The following ZNF676 variants were observed in gnomAD, a reference collection of about 807,000 sequenced individuals.
ZNF676 encodes the protein zinc finger protein 676.
A neutral mutation model predicts 6.0 loss-of-function variants in ZNF676; 4 were observed. That is an observed-to-expected ratio of 0.67 (90% CI 0.33 to 1.53). The LOEUF (loss-of-function observed/expected upper bound fraction) is 1.53, where lower values mean the gene tolerates loss of function less well. ZNF676 is among the 40% of genes most tolerant of loss of function. ZNF676 has a pLI of 0.06. For synonymous variants in ZNF676, 198 were observed against 223.1 expected, an observed-to-expected ratio of 0.89 and a Z score of 1.00; for missense variants, 644 against 679.7, an observed-to-expected ratio of 0.95 and a Z score of 0.58.
rs201369122 is a variant in ZNF676, at chr19:22,180,293, T to C, written c.1424A>G (p.Lys475Arg). 5,752 of 1,613,816 alleles carry C rather than the reference T, an allele frequency of 3.6e-3. 16 individuals carry two copies. Among genetic ancestry groups the C allele is most frequent in the Non-Finnish European group, 4.6e-3 (5,441 of 1,179,798 alleles). Residue 475 changes from lysine (K) to arginine (R), a missense_variant, in exon 3 of 3, where the codon AAA becomes AGA. Around this residue, in one of 5 missense-constraint regions of ZNF676, gnomAD observed 306 missense variants for 265.4 expected, o/e 1.15. Coordinates refer to ENST00000397121, the MANE Select transcript of ZNF676 (RefSeq NM_001001411.3). ...GCCACATTCTTCACATTTGTAAGGT[T>C]TCTCTGCAGCATGAATTCTCTTGTG... The part of the protein sequence containing the change: ...TKHKRIHAAE[K>R]PYKCEECGKG...
At chr19:22,244,521 G>C in the ZNF676 span, 1 of 152,232 alleles carries the variant, frequency 6.6e-6, no homozygotes, top group East Asian at 1.9e-4. Flanking sequence ...AGTAGAAAAT[G>C]AGCAGAAGAG....
chr19:22,218,391 T>G (rs2024214916), upstream of ZNF676, among the ~76,000 whole-genome samples: 1 of 152,100 alleles, frequency 6.6e-6, no homozygotes, highest in African/African-American at 2.4e-5. Flanking sequence ...TGGAGTACAG[T>G]GTCATGATCT....
intron 2 of ZNF676, among the ~76,000 whole-genome samples, chr19:22,191,700 C>T (rs973405273): frequency 6.6e-6 from 1 of 152,066 alleles, no homozygotes; most frequent in African/African-American, 2.4e-5. Flanking sequence ...TTACTCTGTC[C>T]AAAAATAAAA....
At chr19:22,242,003 G>C in the ZNF676 span, among the ~76,000 whole-genome samples, 3 of 151,860 alleles carry the variant, frequency 2.0e-5, no homozygotes, top group Non-Finnish European at 4.4e-5. Flanking sequence ...GACACTCTCT[G>C]TATCACCTGA....
At chr19:22,222,110 T>A in the ZNF676 span, among the ~76,000 whole-genome samples, 49 of 51,952 alleles carry the variant, frequency 9.4e-4, no homozygotes, top group Non-Finnish European at 1.2e-3. Context: ...TAAAATATAT[T>A]TTTTTTTTCT....
the ZNF676 span, among the ~76,000 whole-genome samples, chr19:22,247,198 C>A: frequency 6.6e-6 from 1 of 152,026 alleles, no homozygotes; most frequent in East Asian, 1.9e-4. Flanking sequence ...TCTCCTAAGA[C>A]ATATTGGGTT....
chr19:22,217,371 T>A (rs1424736110), upstream of ZNF676, among the ~76,000 whole-genome samples: 1 of 152,050 alleles, frequency 6.6e-6, no homozygotes, highest in Non-Finnish European at 1.5e-5. Context: ...GCCTGGCTAA[T>A]TTTGTAGTTT....
intron 1 of ZNF676, chr19:22,215,585 A>T (rs2024176036): frequency 6.2e-7 from 1 of 1,605,446 alleles, no homozygotes; most frequent in Non-Finnish European, 8.5e-7. Flanking sequence ...CGCCGGTTCC[A>T]ACCAGCCCAG....
chr19:22,258,813 A>G, the ZNF676 span, among the ~76,000 whole-genome samples: 1,128 of 152,054 alleles, frequency 7.4e-3, 1 homozygote, highest in African/African-American at 0.025. Flanking sequence ...CCTATCTGTG[A>G]CCTGAGCCCA....
the ZNF676 span, among the ~76,000 whole-genome samples, chr19:22,227,737 A>G: frequency 6.6e-6 from 1 of 152,206 alleles, no homozygotes; most frequent in Non-Finnish European, 1.5e-5. Context: ...AAACACCTCA[A>G]TGTAAAAAAC....
chr19:22,241,770 G>A, the ZNF676 span, among the ~76,000 whole-genome samples: 1 of 151,856 alleles, frequency 6.6e-6, no homozygotes, highest in Admixed American at 6.6e-5. Flanking sequence ...CCGGAGAGGA[G>A]ATTCCTCAAT....
the ZNF676 span, among the ~76,000 whole-genome samples, chr19:22,256,844 C>A: frequency 0.36 from 55,183 of 151,860 alleles, 10,870 homozygotes; most frequent in Non-Finnish European, 0.45. Flanking sequence ...TAAATAGAAC[C>A]CACGCATAAG....
chr19:22,196,340 G>A (rs767909288), intron 1 of ZNF676, among the ~76,000 whole-genome samples: 7 of 152,054 alleles, frequency 4.6e-5, no homozygotes, highest in Non-Finnish European at 8.8e-5. Flanking sequence ...ATACAGTCAT[G>A]CAGGCCTGCA....
At chr19:22,183,134 T>C (rs1227893706) in intron 2 of ZNF676, among the ~76,000 whole-genome samples, 1 of 150,912 alleles carries the variant, frequency 6.6e-6, no homozygotes, top group African/African-American at 2.4e-5. Context: ...TCTGTATACA[T>C]ACACAAAAGA....
At chr19:22,215,777 A>C, upstream of ZNF676, 4 of 1,014,462 alleles carry the variant, frequency 3.9e-6, no homozygotes, top group East Asian at 3.1e-5. Flanking sequence ...AGGACCGACC[A>C]CATCCCGGAA....
chr19:22,196,872 A>G lies in ZNF676; in HGVS notation c.-239T>C. On this transcript the variant is annotated 5_prime_UTR_variant, in exon 1 of 3. Coordinates refer to ENST00000397121, the MANE Select transcript of ZNF676 (RefSeq NM_001001411.3). ...ATTATTCAATAAAATAGTTTTCAACACAGAAATGTTCACTAATGTATTCTC... is the reference window on the plus strand; with the variant it reads ...ATTATTCAATAAAATAGTTTTCAACGCAGAAATGTTCACTAATGTATTCTC... The G allele has an allele frequency of 1.3e-6, 1 of 794,118 alleles. No individual in the cohort carries two copies. Among genetic ancestry groups the G allele is most frequent in the Non-Finnish European group, 2.0e-6 (1 of 498,684 alleles). The allele number at this position is 794,118 out of a possible 1,614,324, so 49.2% of individuals were successfully genotyped here.
At position 22,193,103 on chromosome 19, in the gene ZNF676, C is replaced by G. The variant is rs780562519; in HGVS notation, c.43G>C (p.Ala15Pro). The G allele has an allele frequency of 2.5e-6, 4 of 1,595,424 alleles. No homozygotes were observed. Among genetic ancestry groups the G allele is most frequent in the Admixed American group, 1.8e-5 (1 of 56,112 alleles). ...AAAATGATCAGGTCTGGCTTAAAGG[C>G]AGCAATACCTGTTTTATTAAAAATG... ...YRNLVFLGIA[A>P]FKPDLIIFLE... Residue 15 changes from alanine (A) to proline (P), a missense_variant, in exon 2 of 3, where the codon GCC becomes CCC. Ala to Pro is a conservative substitution (Grantham distance 27, BLOSUM62 -1). Transcript: ENST00000397121.
At chr19:22,250,956 C>T in the ZNF676 span, among the ~76,000 whole-genome samples, 1 of 152,156 alleles carries the variant, frequency 6.6e-6, no homozygotes, top group Non-Finnish European at 1.5e-5. Flanking sequence ...AGGTGATCCA[C>T]TCACCTTGGT....
chr19:22,181,692 A>AT, intron 2 of ZNF676, 106 bp from the exon 3 acceptor site: 1 of 836,202 alleles, frequency 1.2e-6, no homozygotes, highest in Non-Finnish European at 1.8e-6. Context: ...GCAAGACGAC[A>AT]TTGCAATATG....
Sources: allele counts gnomAD v4.1 joint callset (sites outside exome capture counted in the v4.1 genomes callset), GRCh38; gene constraint gnomAD v4.1.1; regional missense constraint gnomAD v4.1.1; transcripts MANE v1.5; gene names NCBI Gene and HGNC (gene_info 2026-07-23, HGNC 2026-07-21).